Variants in NFIB observed in about 807,000 individuals in gnomAD.
NFIB encodes nuclear factor 1 B-type.
Under a neutral mutation model 61.5 loss-of-function variants are expected in NFIB, and 11 were observed. The ratio of observed to expected loss-of-function variants is 0.18; its 90% CI spans 0.11 to 0.30. The LOEUF is 0.30. NFIB is among the 10% of genes least tolerant of loss of function. The probability of loss-of-function intolerance (pLI) is 1.00; values close to 1 mark genes in which losing one functional copy is unlikely to be tolerated. For missense variants in NFIB, 471 were observed against 608.9 expected, an observed-to-expected ratio of 0.77 and a Z score of 2.38; for synonymous variants, 260 against 216.5, an observed-to-expected ratio of 1.20 and a Z score of -1.76.
the NFIB span, among the ~76,000 whole-genome samples, chr9:14,454,731 G>A: frequency 1.3e-5 from 2 of 152,158 alleles, no homozygotes; most frequent in African/African-American, 4.8e-5. Flanking sequence ...ACCTTTCACT[G>A]CAGAATCCCT....
chr9:14,232,730 CTA>C, intron 2 of NFIB, among the ~76,000 whole-genome samples: 1 of 152,256 alleles, frequency 6.6e-6, no homozygotes, highest in East Asian at 1.9e-4. Context: ...TTATATTTTT[CTA>C]TGACTCTTAA....
chr9:14,340,222 G>T (rs2060933978), intron 1 of NFIB, among the ~76,000 whole-genome samples: 1 of 152,140 alleles, frequency 6.6e-6, no homozygotes, highest in African/African-American at 2.4e-5. Context: ...AACTTAAGGA[G>T]CCCAGTGCCT....
intron 2 of NFIB, among the ~76,000 whole-genome samples, chr9:14,202,421 C>G (rs1163670999): frequency 2.6e-5 from 4 of 152,128 alleles, no homozygotes; most frequent in African/African-American, 9.7e-5. Flanking sequence ...AGTTCGGGAG[C>G]TGAAGAGTCA....
chr9:14,289,154 T>A (rs2058925208), intron 2 of NFIB, among the ~76,000 whole-genome samples: 1 of 143,836 alleles, frequency 7.0e-6, no homozygotes, highest in Admixed American at 7.2e-5. Context: ...ATATATATAT[T>A]TGGTATGCCA....
chr9:14,150,416 T>A (rs1418591554), intron 4 of NFIB, 151 bp from the exon 5 acceptor site: 1 of 1,347,524 alleles, frequency 7.4e-7, no homozygotes, highest in Non-Finnish European at 1.0e-6. Context: ...ACAACCTGGG[T>A]AGGACCTGAA....
At chr9:14,162,443 T>G (rs1450069610) in intron 3 of NFIB, among the ~76,000 whole-genome samples, 1 of 152,106 alleles carries the variant, frequency 6.6e-6, no homozygotes, top group Non-Finnish European at 1.5e-5. Context: ...TTATCTTTGC[T>G]CATCCATGGA....
chr9:14,482,034 G>C, the NFIB span, among the ~76,000 whole-genome samples: 1 of 152,098 alleles, frequency 6.6e-6, no homozygotes, highest in African/African-American at 2.4e-5. Flanking sequence ...TCTAACTAAG[G>C]GTTGGAATGT....
Position 14,112,109 on chromosome 9 carries a change from A to G in NFIB, c.1467+890T>C, listed in dbSNP as rs977731616. 2.6e-5 allele frequency among the ~76,000 whole-genome samples: 4 copies of G among 152,360 alleles called. 1 individual carries two copies. The South Asian group carries it at 8.3e-4, about 32-fold the overall frequency. On this transcript the variant is annotated intron_variant, in intron 10 of 10. Transcript: ENST00000380953. ...GCGAGTTAGTTAACACCAGCTCTTTATTATTTATTATAGCCTAATTTTCCC... is the reference window on the plus strand; with the variant it reads ...GCGAGTTAGTTAACACCAGCTCTTTGTTATTTATTATAGCCTAATTTTCCC...
intron 6 of NFIB, among the ~76,000 whole-genome samples, chr9:14,129,474 A>T: frequency 6.6e-6 from 1 of 151,936 alleles, no homozygotes; most frequent in Non-Finnish European, 1.5e-5. Flanking sequence ...CTGGGGAAAA[A>T]GTAAAGATAG....
the NFIB span, among the ~76,000 whole-genome samples, chr9:14,434,659 A>G: frequency 6.6e-6 from 1 of 152,232 alleles, no homozygotes; most frequent in East Asian, 1.9e-4. Context: ...AAAGCTTCCC[A>G]ATAACATTAG....
At chr9:14,407,154 A>T in the NFIB span, among the ~76,000 whole-genome samples, 1 of 152,286 alleles carries the variant, frequency 6.6e-6, no homozygotes, top group East Asian at 1.9e-4. Flanking sequence ...GCAACTAAAA[A>T]ACCTTCCTCG....
At chr9:14,139,775 A>T (rs1039591084) in intron 6 of NFIB, among the ~76,000 whole-genome samples, 6 of 152,204 alleles carry the variant, frequency 3.9e-5, no homozygotes, top group African/African-American at 1.2e-4. Flanking sequence ...AATTCTGATG[A>T]AAGCCTTCAC....
the NFIB span, among the ~76,000 whole-genome samples, chr9:14,471,801 G>A: frequency 7.9e-5 from 12 of 152,194 alleles, no homozygotes; most frequent in African/African-American, 2.9e-4. Flanking sequence ...TGGCCCTACA[G>A]AAACCACAGT....
chr9:14,115,350 C>T (rs2037967444), intron 9 of NFIB, among the ~76,000 whole-genome samples: 1 of 151,964 alleles, frequency 6.6e-6, no homozygotes. Context: ...CATGCTAATT[C>T]CACCAATTCG....
At chr9:14,524,374 T>C in the NFIB span, among the ~76,000 whole-genome samples, 3 of 152,088 alleles carry the variant, frequency 2.0e-5, no homozygotes, top group African/African-American at 7.2e-5. Flanking sequence ...CTCACAACCT[T>C]GAAAATAACA....
chr9:14,417,779 T>TG, the NFIB span, among the ~76,000 whole-genome samples: 26 of 140,554 alleles, frequency 1.8e-4, no homozygotes, highest in Non-Finnish European at 3.5e-4. Flanking sequence ...GAACAGTTTT[T>TG]TTTTTTTTTT....
the NFIB span, among the ~76,000 whole-genome samples, chr9:14,508,958 TA>T: frequency 6.6e-6 from 1 of 152,224 alleles, no homozygotes. Context: ...TGATACTCAG[TA>T]TATCAGTACT....
chr9:14,472,106 A>G, the NFIB span, among the ~76,000 whole-genome samples: 1 of 152,198 alleles, frequency 6.6e-6, no homozygotes, highest in Non-Finnish European at 1.5e-5. Flanking sequence ...GTCTTGGTCA[A>G]TGGATTACCT....
the NFIB span, among the ~76,000 whole-genome samples, chr9:14,475,417 G>A: frequency 3.3e-5 from 5 of 152,166 alleles, no homozygotes; most frequent in Non-Finnish European, 5.9e-5. Flanking sequence ...AGTAAGTGAG[G>A]AGAGCCTTCC....
Sources: gnomAD v4.1 joint callset for allele counts (sites outside exome capture counted in the v4.1 genomes callset) on GRCh38, gnomAD v4.1.1 for gene constraint, MANE v1.5 for transcripts, NCBI Gene and HGNC (gene_info 2026-07-23, HGNC 2026-07-21) for gene names.